DSC1: variants seen among roughly 807,000 people sequenced by gnomAD.
DSC1 encodes the protein desmocollin-1.
In DSC1, 79 loss-of-function variants were observed where a neutral mutation model predicts 98.8. The ratio of observed to expected loss-of-function variants is 0.80; its 90% confidence interval spans 0.67 to 0.96. DSC1 has a LOEUF of 0.96. DSC1 is among the 50% of genes least tolerant of loss of function. The pLI is 0.00. For missense variants in DSC1, 1,115 were observed against 1,075.9 expected, an observed-to-expected ratio of 1.04 and a Z score of -0.51; for synonymous variants, 405 against 372.1, an observed-to-expected ratio of 1.09 and a Z score of -1.02.
At chr18:31,135,690 A>G (rs910648543) in intron 11 of DSC1, among the ~76,000 whole-genome samples, 8 of 152,182 alleles carry the variant, frequency 5.3e-5, no homozygotes, top group African/African-American at 1.9e-4. Flanking sequence ...TAGTATTTTT[A>G]GTTAAAATAG....
Position 31,141,980 on chromosome 18 carries a change from G to C in DSC1, c.1260+19C>G. On this transcript the variant is annotated intron_variant, in intron 9 of 15. Transcript: ENST00000257198. Reference sequence around the variant, plus strand: ...GTTAGGATATTTTAAAGCATAGCCTGATTATTTTATTTGTTTACCTTGACA... The same window carrying C: ...GTTAGGATATTTTAAAGCATAGCCTCATTATTTTATTTGTTTACCTTGACA... 6.3e-7 allele frequency: 1 copy of C among 1,588,140 alleles called. No homozygotes were observed. Among genetic ancestry groups the C allele is most frequent in the Non-Finnish European group, 8.5e-7 (1 of 1,171,874 alleles).
Position 31,154,854 on chromosome 18 carries a change from T to G in DSC1, c.547A>C (p.Asn183His). ...SGPGVDKEPF[N>H]LFYIEKDTGD... ...GTGTCTTTCTCTATGTAAAACAAAT[T>G]GAAGGGTTCTTTGTCCACGCCTGGC... The change falls in exon 5 of 16, where the codon AAT (asparagine) becomes CAT (histidine). Residue 183 changes from asparagine to histidine, a missense_variant. Physicochemically the swap from Asn to His is moderately conservative, Grantham distance 68. Transcript: ENST00000257198. 1 of 1,614,078 alleles carries G rather than the reference T, an allele frequency of 6.2e-7. No individual in the cohort carries two copies. The highest frequency in any genetic ancestry group is 8.5e-7 in the Non-Finnish European group (1 of 1,179,980).
At chr18:31,150,183 T>A (rs111211323) in intron 5 of DSC1, among the ~76,000 whole-genome samples, 57,858 of 113,478 alleles carry the variant, frequency 0.51, 12,262 homozygotes, top group Non-Finnish European at 0.53. Flanking sequence ...ACCACTACCA[T>A]CACCACCATC....
chr18:31,135,293 A>G (rs1056803497), intron 11 of DSC1, among the ~76,000 whole-genome samples: 6 of 152,114 alleles, frequency 3.9e-5, no homozygotes, highest in African/African-American at 1.4e-4. Flanking sequence ...GCCAGATAGC[A>G]CACTATTATC....
chr18:31,130,466 A>C lies in DSC1; in HGVS notation c.*48T>G. On this transcript the variant is annotated 3_prime_UTR_variant, in exon 16 of 16. Transcript: ENST00000257198. ...ATGCTGCTAACATTCTGCAAGTAAT[A>C]AATTCCTACTTATGCATCTGTGGAT... 6.3e-7 allele frequency: 1 copy of C among 1,599,190 alleles called. No homozygotes were observed. Among genetic ancestry groups the C allele is most frequent in the Admixed American group, 1.7e-5 (1 of 59,058 alleles).
intron 5 of DSC1, among the ~76,000 whole-genome samples, chr18:31,153,942 G>A (rs970619496): frequency 6.6e-6 from 1 of 152,012 alleles, no homozygotes; most frequent in Non-Finnish European, 1.5e-5. Context: ...GCCCAAGTAT[G>A]AGATAAGTTT....
intron 5 of DSC1, among the ~76,000 whole-genome samples, chr18:31,153,566 C>T (rs1989040096): frequency 6.6e-6 from 1 of 152,064 alleles, no homozygotes; most frequent in South Asian, 2.1e-4. Flanking sequence ...AATTATGAAA[C>T]ATCTAAAGTG....
At chr18:31,161,383 T>A (rs907688749) in intron 1 of DSC1, among the ~76,000 whole-genome samples, 3 of 151,698 alleles carry the variant, frequency 2.0e-5, no homozygotes, top group African/African-American at 4.9e-5. Flanking sequence ...TATATATATA[T>A]AAATATATGA....
At position 31,141,982 on chromosome 18, in the gene DSC1, T is replaced by A; in HGVS notation, c.1260+17A>T. ...TAGGATATTTTAAAGCATAGCCTGA[T>A]TATTTTATTTGTTTACCTTGACAAC... On this transcript the variant is annotated intron_variant, in intron 9 of 15. Coordinates refer to ENST00000257198, the MANE Select transcript of DSC1 (RefSeq NM_024421.2). 6.3e-7 allele frequency: 1 copy of A among 1,589,414 alleles called. No individual in the cohort carries two copies. The highest frequency in any genetic ancestry group is 8.5e-7 in the Non-Finnish European group (1 of 1,172,516).
Position 31,139,875 on chromosome 18 carries a change from C to G in DSC1, c.1536G>C (p.Gly512=). The G allele has an allele frequency of 6.2e-7, 1 of 1,603,452 alleles. No individual in the cohort carries two copies. The part of the protein sequence containing the change: ...SGEGLRYQKL[G]DEDNWFEINQ... ...TAATTTCAAACCAGTTATCTTCATC[C>G]CCTAACTTCTGATACCTAATTTTTA... Residue 512 remains glycine (G), a synonymous_variant, in exon 11 of 16, where the codon GGG becomes GGC. Transcript: ENST00000257198.
In DSC1 at chr18:31,142,096, G is replaced by A. The variant is rs372950032; in HGVS notation, c.1163C>T (p.Ser388Leu). 3 of 1,613,228 alleles carry A rather than the reference G, an allele frequency of 1.9e-6. No homozygotes were observed. Among genetic ancestry groups the A allele is most frequent in the South Asian group, 1.1e-5 (1 of 90,956 alleles). The change falls in exon 9 of 16, where the codon TCA becomes TTA. Residue 388 changes from serine to leucine, a missense_variant. Transcript: ENST00000257198. ...TTGTAGGATTTTGTATACAGCCTTT[G>A]AGTGAGGAGTGTTTGGCAAATCCTG... Reference protein sequence around the residue: ...QDQDLPNTPHSKAVYKILQGN... With the variant: ...QDQDLPNTPHLKAVYKILQGN...
Position 31,131,668 on chromosome 18 carries a change from C to G in DSC1, c.2413G>C (p.Gly805Arg). The change falls in exon 15 of 16, where the codon GGA (glycine) becomes CGA (arginine). Residue 805 changes from glycine to arginine, a missense_variant. Physicochemically the swap from Gly to Arg is moderately radical, Grantham distance 125. Coordinates refer to ENST00000257198, the MANE Select transcript of DSC1 (RefSeq NM_024421.2). ...CTGCCAGTATCTCCCTGCCCCACTC[C>G]CTTGACGGACTCCAAGGTCTGATGT... ...GGHQTLESVK[G>R]VGQGDTGRYA... 1.2e-6 allele frequency: 2 copies of G among 1,614,080 alleles called. No individual in the cohort carries two copies. Among genetic ancestry groups the G allele is most frequent in the African/African-American group, 2.7e-5 (2 of 75,034 alleles).
chr18:31,132,640 T>C lies in DSC1; in HGVS notation c.2166A>G (p.Lys722=). Residue 722 remains lysine (K), a synonymous_variant, in exon 14 of 16, where the codon AAA becomes AAG. Transcript: ENST00000257198. Reference sequence around the variant, plus strand: ...GCTGGGCTATGTCTTCTGGAAAACATTTCTTGACTGTTCTCTTAGCAGTGA... The same window carrying C: ...GCTGGGCTATGTCTTCTGGAAAACACTTCTTGACTGTTCTCTTAGCAGTGA... The part of the protein sequence containing the change: ...FCVTAKRTVK[K]CFPEDIAQQN... 6.2e-7 allele frequency: 1 copy of C among 1,613,562 alleles called. No homozygotes were observed. The highest frequency in any genetic ancestry group is 8.5e-7 in the Non-Finnish European group (1 of 1,179,676).
Position 31,132,679 on chromosome 18 carries a change from A to T in DSC1, c.2127T>A (p.Phe709Leu), listed in dbSNP as rs1318112488. The T allele has an allele frequency of 6.2e-7, 1 of 1,612,350 alleles. No homozygotes were observed. Among genetic ancestry groups the T allele is most frequent in the Non-Finnish European group, 8.5e-7 (1 of 1,179,174 alleles). The stretch of plus-strand genomic sequence containing the variant: ...TCTTAGCAGTGACACAGAAACATGT[A>T]AACAGAATACCTAAAAAGCAAAAAA... ...LGSVLLLCIL[F>L]TCFCVTAKRT... is the part of the protein sequence containing the mutation. The change falls in exon 14 of 16, where the codon TTT becomes TTA. Residue 709 changes from phenylalanine (F) to leucine (L), a missense_variant. Coordinates refer to ENST00000257198, the MANE Select transcript of DSC1 (RefSeq NM_024421.2).
intron 13 of DSC1, among the ~76,000 whole-genome samples, chr18:31,133,196 G>A (rs1988533221): frequency 6.6e-6 from 1 of 152,118 alleles, no homozygotes; most frequent in African/African-American, 2.4e-5. Context: ...GTTTGTAAAT[G>A]CAAATGGGTT....
chr18:31,162,700 C>T lies in DSC1; in HGVS notation c.-106G>A, dbSNP rs1989233641. On this transcript the variant is annotated 5_prime_UTR_variant, in exon 1 of 16. Coordinates refer to ENST00000257198, the MANE Select transcript of DSC1 (RefSeq NM_024421.2). ...GCACTTGCACAGGGTATTCTGCTGC[C>T]ACCTTGATGCAGCTGAGCTTGGTTT... The T allele has an allele frequency of 2.2e-6, 2 of 912,442 alleles. No homozygotes were observed. The highest frequency in any genetic ancestry group is 3.5e-6 in the Non-Finnish European group (2 of 566,634). The allele number at this position is 912,442 out of a possible 1,614,324, so 56.5% of individuals were successfully genotyped here. A position where few individuals can be genotyped will look rare whatever the true frequency, so the allele number is the denominator to read the frequency against.
rs373546442 is a variant in DSC1, at chr18:31,134,121, G to A, written c.1886C>T (p.Ala629Val). 1.9e-5 allele frequency: 31 copies of A among 1,603,096 alleles called. No individual in the cohort carries two copies. Among genetic ancestry groups the A allele is most frequent in the Non-Finnish European group, 2.4e-5 (28 of 1,179,078 alleles). ...WNIEEKDGKT[A>V]ILRQRQNLDY... ...AAGATTTTGCCGTTGACGAAGAATG[G>A]CAGTTTTACCTAGGGAAAAAAAAGA... Residue 629 changes from alanine to valine, a missense_variant, in exon 13 of 16, where the codon GCC becomes GTC. By Grantham distance (64) the Ala-to-Val change is moderately conservative. Coordinates refer to ENST00000257198, the MANE Select transcript of DSC1 (RefSeq NM_024421.2).
chr18:31,152,722 G>A (rs531983046), intron 5 of DSC1, among the ~76,000 whole-genome samples: 1 of 152,160 alleles, frequency 6.6e-6, no homozygotes, highest in East Asian at 2.0e-4. Flanking sequence ...AGGCTACAAG[G>A]AAAGGAACAG....
At chr18:31,149,640 T>C (rs1028879898) in intron 5 of DSC1, among the ~76,000 whole-genome samples, 2 of 152,198 alleles carry the variant, frequency 1.3e-5, no homozygotes, top group Non-Finnish European at 2.9e-5. Context: ...TCAGATTTTA[T>C]TGTGCTTTAC....
Sources: gnomAD v4.1 joint callset for allele counts (sites outside exome capture counted in the v4.1 genomes callset) on GRCh38, gnomAD v4.1.1 for gene constraint, MANE v1.5 for transcripts, NCBI Gene and HGNC (gene_info 2026-07-23, HGNC 2026-07-21) for gene names.